Variants in PRSS3 observed in about 807,000 individuals in gnomAD.
PRSS3 encodes the protein serine protease 3.
PRSS3 carries 14 observed loss-of-function variants against 20.8 expected under a neutral mutation model. That is an observed-to-expected ratio of 0.67 (90% confidence interval 0.44 to 1.05). The LOEUF (loss-of-function observed/expected upper bound fraction) is 1.05, where lower values mean the gene tolerates loss of function less well. Among genes scored for constraint, PRSS3 ranks in the 50% least tolerant of loss-of-function variants. The pLI, the probability that PRSS3 is intolerant of heterozygous loss-of-function variation, is 0.00. For missense variants in PRSS3, 237 were observed against 306.4 expected (o/e 0.77, Z 1.69); for synonymous variants, 91 against 117.6 (o/e 0.77, Z 1.46).
intron 1 of PRSS3, among the ~76,000 whole-genome samples, chr9:33,774,151 G>A (rs1445110471): frequency 6.6e-6 from 1 of 152,114 alleles, no homozygotes; most frequent in Non-Finnish European, 1.5e-5. Flanking sequence ...AAATTATTTA[G>A]AAGTCCAAAT....
intron 1 of PRSS3, among the ~76,000 whole-genome samples, chr9:33,772,174 CAG>C (rs1279949682): frequency 6.6e-6 from 1 of 151,930 alleles, no homozygotes; most frequent in East Asian, 1.9e-4. Flanking sequence ...GCGCAGCCCC[CAG>C]GCTAGTCTTA....
intron 1 of PRSS3, among the ~76,000 whole-genome samples, chr9:33,771,014 G>GT (rs1455503244): frequency 6.6e-6 from 1 of 152,006 alleles, no homozygotes; most frequent in African/African-American, 2.4e-5. Flanking sequence ...AAAATGACTG[G>GT]TGGCTGCCTG....
At chr9:33,792,218 G>A (rs1346748420), upstream of PRSS3, among the ~76,000 whole-genome samples, 4 of 152,176 alleles carry the variant, frequency 2.6e-5, no homozygotes, top group South Asian at 2.1e-4. Context: ...GGAGTTTGGC[G>A]GGAAGACAGC....
At position 33,764,649 on chromosome 9, in the gene PRSS3, C is replaced by T. The variant is rs117967147; in HGVS notation, c.-53+13922C>T. Among the ~76,000 whole-genome samples, 185 of 152,226 alleles carry T rather than the reference C, an allele frequency of 1.2e-3. 5 individuals carry two copies. In the East Asian group the frequency reaches 0.033, roughly 27 times the overall value. On this transcript the variant is annotated intron_variant, in intron 1 of 5. Coordinates refer to the PRSS3 transcript ENST00000342836. Reference sequence around the variant, plus strand: ...TTAAGCAGTGGTTTCTTGGATATAACGTCAAAAGCACAAACAAAAGAAAAA... The same window carrying T: ...TTAAGCAGTGGTTTCTTGGATATAATGTCAAAAGCACAAACAAAAGAAAAA...
chr9:33,755,030 AC>A (rs202195324), intron 1 of PRSS3, among the ~76,000 whole-genome samples: 3,124 of 152,160 alleles, frequency 0.021, 47 homozygotes, highest in Middle Eastern at 0.041. Context: ...GTCTAGAGGA[AC>A]TTTTTTAAAT....
chr9:33,754,628 A>C (rs1822856606), intron 1 of PRSS3, among the ~76,000 whole-genome samples: 1 of 151,786 alleles, frequency 6.6e-6, no homozygotes, highest in South Asian at 2.1e-4. Flanking sequence ...TCAGGAGTTC[A>C]AGACCAGCCT....
At chr9:33,786,778 G>T in intron 1 of PRSS3, 3 of 765,620 alleles carry the variant, frequency 3.9e-6, no homozygotes, top group Non-Finnish European at 7.2e-6. Context: ...CTCTGACTGT[G>T]AGCAACAGGA....
intron 1 of PRSS3, among the ~76,000 whole-genome samples, chr9:33,784,779 A>G (rs1178037616): frequency 6.6e-6 from 1 of 152,144 alleles, no homozygotes; most frequent in Non-Finnish European, 1.5e-5. Flanking sequence ...ATTCTCAGCT[A>G]CCCACCAGAT....
At chr9:33,798,916 G>A (rs1825179102) in intron 4 of PRSS3, 112 bp from the exon 5 acceptor site, 2 of 1,393,250 alleles carry the variant, frequency 1.4e-6, no homozygotes, top group African/African-American at 2.8e-5. Context: ...CCGTGGGAAG[G>A]ACGTGGAGCC....
rs1323161643 is a variant in PRSS3 at position 33,750,989 on chromosome 9, C to T, written c.-53+262C>T. 6.3e-5 allele frequency: 47 copies of T among 740,726 alleles called. No homozygotes were observed. The highest frequency in any genetic ancestry group is 8.8e-5 in the Non-Finnish European group (46 of 522,232). 45.9% of individuals were successfully genotyped at this position (740,726 alleles called of 1,614,324 possible). On this transcript the variant is annotated intron_variant, in intron 1 of 5. Transcript: ENST00000342836. The surrounding 1 kb of genome is among the most constrained non-coding windows in gnomAD (Gnocchi z 4.8). The stretch of plus-strand genomic sequence containing the variant: ...CTGGGGCCCCCTCCGGGCTGCGGCA[C>T]CGATGCGCACACTACTCCCACCGCC...
upstream of PRSS3, among the ~76,000 whole-genome samples, chr9:33,791,766 A>G (rs1030367067): frequency 2.6e-5 from 4 of 152,236 alleles, no homozygotes; most frequent in African/African-American, 9.6e-5. Context: ...CAATCAATCT[A>G]TCCTTAAAAT....
upstream of PRSS3, among the ~76,000 whole-genome samples, chr9:33,794,181 A>G (rs1397552744): frequency 1.5e-5 from 2 of 132,374 alleles, no homozygotes; most frequent in Non-Finnish European, 3.3e-5. Flanking sequence ...TCCGATCTCA[A>G]CACGAAGTTT....
At chr9:33,752,443 G>A (rs1474194873) in intron 1 of PRSS3, among the ~76,000 whole-genome samples, 1 of 152,210 alleles carries the variant, frequency 6.6e-6, no homozygotes, top group Non-Finnish European at 1.5e-5. Flanking sequence ...CAAAGTCCTT[G>A]CTATTGCAAA....
At chr9:33,768,266 G>A (rs1192603641) in intron 1 of PRSS3, among the ~76,000 whole-genome samples, 1 of 152,014 alleles carries the variant, frequency 6.6e-6, no homozygotes, top group Non-Finnish European at 1.5e-5. Flanking sequence ...GATAACTTGA[G>A]GTCAGGAGTT....
intron 1 of PRSS3, among the ~76,000 whole-genome samples, chr9:33,771,413 C>T (rs920024117): frequency 6.6e-6 from 1 of 151,532 alleles, no homozygotes; most frequent in African/African-American, 2.4e-5. Context: ...GCAACCTCTG[C>T]CTACTGGGTT....
intron 1 of PRSS3, among the ~76,000 whole-genome samples, chr9:33,775,525 T>A (rs1351544885): frequency 6.6e-6 from 1 of 152,028 alleles, no homozygotes; most frequent in African/African-American, 2.4e-5. Context: ...ATCAGAGAAG[T>A]ATTGAAGTGA....
At chr9:33,759,738 G>A (rs1179519533) in intron 1 of PRSS3, among the ~76,000 whole-genome samples, 4 of 152,206 alleles carry the variant, frequency 2.6e-5, no homozygotes, top group African/African-American at 9.6e-5. Context: ...CAAGGTCAGA[G>A]CTAGAGATGA....
intron 1 of PRSS3, among the ~76,000 whole-genome samples, chr9:33,771,634 T>TTGG (rs1563960289): frequency 6.2e-5 from 7 of 112,846 alleles, no homozygotes; most frequent in South Asian, 5.2e-4. Flanking sequence ...GTTTTGTTTT[T>TTGG]TTGTTTTTTT....
intron 1 of PRSS3, among the ~76,000 whole-genome samples, chr9:33,784,128 C>G (rs895801636): frequency 1.3e-5 from 2 of 151,890 alleles, no homozygotes; most frequent in African/African-American, 4.8e-5. Context: ...AGAGAAAAAT[C>G]TAGAGACTAC....
Sources: allele counts gnomAD v4.1 joint callset (sites outside exome capture counted in the v4.1 genomes callset), GRCh38; gene constraint gnomAD v4.1.1; non-coding constraint Gnocchi (gnomAD v3.1); transcripts MANE v1.5; gene names NCBI Gene and HGNC (gene_info 2026-07-23, HGNC 2026-07-21).